Variants in DOCK10 observed in about 807,000 individuals in gnomAD.
DOCK10 encodes dedicator of cytokinesis protein 10.
In DOCK10, 145 loss-of-function variants were observed where a neutral mutation model predicts 280.1. The observed-to-expected ratio is 0.52, with a 90% CI of 0.45 to 0.59. The LOEUF is 0.59. DOCK10 is among the 20% of genes least tolerant of loss of function. The pLI is 0.00. For synonymous variants in DOCK10, 915 were observed against 942.2 expected (o/e 0.97, Z 0.53); for missense variants, 2,368 against 2,651.7 (o/e 0.89, Z 2.35).
chr2:224,867,075 T>TATACACAC (rs142452813), intron 11 of DOCK10, among the ~76,000 whole-genome samples: 1 of 144,236 alleles, frequency 6.9e-6, no homozygotes, highest in Non-Finnish European at 1.5e-5. Flanking sequence ...AGCTAAGAAA[T>TATACACAC]ACACACACAC....
chr2:225,035,425 A>T (rs1690194073), intron 1 of DOCK10, among the ~76,000 whole-genome samples: 1 of 150,754 alleles, frequency 6.6e-6, no homozygotes, highest in Non-Finnish European at 1.5e-5. Context: ...AGAGAAAAAC[A>T]TCTTCATGAT....
intron 3 of DOCK10, among the ~76,000 whole-genome samples, chr2:224,904,125 C>T (rs759625020): frequency 6.6e-6 from 1 of 152,086 alleles, no homozygotes. Flanking sequence ...CACATATGAA[C>T]ACATCTAGGC....
At chr2:224,986,661 A>G (rs1316836993) in intron 1 of DOCK10, among the ~76,000 whole-genome samples, 1 of 152,160 alleles carries the variant, frequency 6.6e-6, no homozygotes, top group African/African-American at 2.4e-5. Context: ...GAAAGGCCAT[A>G]TGAAGCCACA....
rs146285020 is a variant in DOCK10, at chr2:224,805,017, T to A, written c.4118+41A>T. 3.9e-6 allele frequency: 6 copies of A among 1,536,356 alleles called. No individual in the cohort carries two copies. In the African/African-American group the frequency reaches 8.3e-5, roughly 21 times the overall value. ...CATGGTATAGTGGACTATTTAGAAA[T>A]TTCCAGAAAAAAGTGTTAAGTCATC... is the stretch of plus-strand genomic sequence containing the variant. On this transcript the variant is annotated intron_variant, in intron 37 of 55. Transcript: ENST00000258390. This position sits in a 1 kb window ranked among gnomAD's most constrained non-coding sequence, Gnocchi z 4.3.
intron 47 of DOCK10, among the ~76,000 whole-genome samples, chr2:224,792,509 T>G (rs1178530926): frequency 1.3e-5 from 2 of 152,162 alleles, no homozygotes; most frequent in Non-Finnish European, 2.9e-5. Context: ...GTCTCGGACT[T>G]CTGACTTCAA....
chr2:224,904,321 T>C (rs958734610), intron 3 of DOCK10, among the ~76,000 whole-genome samples: 2 of 151,970 alleles, frequency 1.3e-5, no homozygotes, highest in Non-Finnish European at 2.9e-5. Flanking sequence ...TTTCAAAAAA[T>C]AAAAATCCAA....
chr2:224,853,457 C>T (rs186896108), intron 16 of DOCK10, among the ~76,000 whole-genome samples: 1 of 152,132 alleles, frequency 6.6e-6, no homozygotes, highest in East Asian at 1.9e-4. Context: ...AGAAATAATC[C>T]ACCAATCTTT....
chr2:224,919,086 AGT>A (rs1480675372), intron 2 of DOCK10, among the ~76,000 whole-genome samples: 1 of 117,454 alleles, frequency 8.5e-6, no homozygotes, highest in Non-Finnish European at 1.8e-5. Context: ...GTGTGTGGGG[AGT>A]GTGTGTATGT....
intron 1 of DOCK10, among the ~76,000 whole-genome samples, chr2:224,989,705 A>G (rs1469254692): frequency 1.3e-5 from 2 of 152,096 alleles, no homozygotes; most frequent in Non-Finnish European, 2.9e-5. Flanking sequence ...GCTAGGAGGG[A>G]GTTAATCAGT....
At chr2:224,932,074 G>A (rs984692753) in intron 1 of DOCK10, among the ~76,000 whole-genome samples, 1 of 152,140 alleles carries the variant, frequency 6.6e-6, no homozygotes, top group Non-Finnish European at 1.5e-5. Flanking sequence ...CATGAGTTCT[G>A]TTGGGTCTAT....
intron 1 of DOCK10, among the ~76,000 whole-genome samples, chr2:224,981,524 TAAAG>T (rs913513902): frequency 1.1e-4 from 16 of 152,178 alleles, no homozygotes; most frequent in Admixed American, 2.0e-4. Flanking sequence ...TTTTTAAACT[TAAAG>T]AAAGAAAGAA....
intron 1 of DOCK10, among the ~76,000 whole-genome samples, chr2:225,012,335 TA>T (rs1193740158): frequency 1.3e-5 from 2 of 152,204 alleles, no homozygotes; most frequent in African/African-American, 4.8e-5. Context: ...ACCTCTTTGT[TA>T]AATAAGGAGG....
chr2:225,034,859 T>C (rs549086564), intron 1 of DOCK10, among the ~76,000 whole-genome samples: 1 of 152,228 alleles, frequency 6.6e-6, no homozygotes, highest in Admixed American at 6.5e-5. Context: ...TGGTGGGAGA[T>C]TCTCTGGTAG....
At chr2:224,787,432 G>T (rs970363005) in intron 48 of DOCK10, 35 bp from the exon 49 acceptor site, 17 of 1,611,556 alleles carry the variant, frequency 1.1e-5, no homozygotes, top group Non-Finnish European at 1.4e-5. Flanking sequence ...GATTTTACAT[G>T]ATTAGGGTTG....
intron 1 of DOCK10, among the ~76,000 whole-genome samples, chr2:225,018,986 A>G (rs1422017514): frequency 2.4e-5 from 3 of 123,044 alleles, no homozygotes; most frequent in Non-Finnish European, 5.3e-5. Context: ...GTATACATAT[A>G]TAGATTTTTT....
At chr2:224,801,868 A>G (rs756123143) in intron 40 of DOCK10, 48 bp downstream of exon 40, 10 of 1,593,642 alleles carry the variant, frequency 6.3e-6, no homozygotes, top group Non-Finnish European at 7.7e-6. Flanking sequence ...ACACATACCT[A>G]GAGAAAAACT....
At chr2:224,823,679 G>GTGGCA (rs749292552) in intron 27 of DOCK10, 32 bp from the exon 28 acceptor site, 2 of 1,540,604 alleles carry the variant, frequency 1.3e-6, no homozygotes, top group African/African-American at 2.8e-5. Context: ...TCTTTCTAAT[G>GTGGCA]TGGCATGTGA....
chr2:224,982,094 A>G, intron 1 of DOCK10: 1 of 756,472 alleles, frequency 1.3e-6, no homozygotes, highest in Non-Finnish European at 1.8e-6. Flanking sequence ...CAGAGTAGTA[A>G]ACTCTAGGTC....
At chr2:225,000,190 TCA>T (rs376882215) in intron 1 of DOCK10, among the ~76,000 whole-genome samples, 3 of 143,980 alleles carry the variant, frequency 2.1e-5, no homozygotes, top group Admixed American at 7.2e-5. Flanking sequence ...ATCACTCAAG[TCA>T]CACACACACA....
Sources: gnomAD v4.1 joint callset for allele counts (sites outside exome capture counted in the v4.1 genomes callset) on GRCh38, gnomAD v4.1.1 for gene constraint, Gnocchi (gnomAD v3.1) non-coding constraint, MANE v1.5 for transcripts, NCBI Gene and HGNC (gene_info 2026-07-23, HGNC 2026-07-21) for gene names.